The following DCTN6 variants were observed in gnomAD, a reference collection of about 807,000 sequenced individuals.
DCTN6 encodes the protein dynactin subunit 6.
A neutral mutation model predicts 25.8 loss-of-function variants in DCTN6; 15 were observed. The ratio of observed to expected loss-of-function variants is 0.58; its 90% CI spans 0.39 to 0.89. DCTN6 has a LOEUF of 0.89. Among genes scored for constraint, DCTN6 ranks in the 40% least tolerant of loss-of-function variants. The probability of loss-of-function intolerance (pLI) is 0.00; values close to 1 mark genes in which losing one functional copy is unlikely to be tolerated. For missense variants in DCTN6, 198 were observed against 237.6 expected, an observed-to-expected ratio of 0.83 and a Z score of 1.09; for synonymous variants, 64 against 78.3, an observed-to-expected ratio of 0.82 and a Z score of 0.96.
At chr8:30,179,368 A>T (rs1486212486) in intron 4 of DCTN6, 40 bp from the exon 5 acceptor site, 1 of 1,559,040 alleles carries the variant, frequency 6.4e-7, no homozygotes, top group Non-Finnish European at 8.8e-7. Context: ...GGGACTAAAG[A>T]TGAACATATT....
chr8:30,174,908 C>A (rs1364148835), intron 2 of DCTN6, among the ~76,000 whole-genome samples, 177 bp from the exon 3 acceptor site: 1 of 152,144 alleles, frequency 6.6e-6, no homozygotes, highest in African/African-American at 2.4e-5. Context: ...TGCAACTTGG[C>A]CCTGACTACT....
chr8:30,178,478 A>C (rs1051444951), intron 4 of DCTN6, among the ~76,000 whole-genome samples: 21 of 151,774 alleles, frequency 1.4e-4, no homozygotes, highest in Non-Finnish European at 2.7e-4. Flanking sequence ...ATTAAAAAAA[A>C]AAAAAAAAAA....
At chr8:30,177,769 C>T (rs1803861386) in intron 4 of DCTN6, among the ~76,000 whole-genome samples, 1 of 152,190 alleles carries the variant, frequency 6.6e-6, no homozygotes, top group African/African-American at 2.4e-5. Context: ...GCTCTTTGAA[C>T]AGACTTCTTG....
intron 5 of DCTN6, 89 bp from the exon 6 acceptor site, chr8:30,180,399 A>G: frequency 1.3e-6 from 2 of 1,509,712 alleles, no homozygotes; most frequent in Middle Eastern, 2.3e-4. Flanking sequence ...AGGCCAGTTT[A>G]CATTTTTATA....
chr8:30,172,435 T>C (rs1803775841), intron 2 of DCTN6, among the ~76,000 whole-genome samples: 1 of 146,264 alleles, frequency 6.8e-6, no homozygotes, highest in South Asian at 2.2e-4. Context: ...ATATAGTTTA[T>C]ATGGAGTGAT....
intron 6 of DCTN6, among the ~76,000 whole-genome samples, chr8:30,182,651 C>G (rs1325478777): frequency 6.7e-6 from 1 of 149,902 alleles, no homozygotes; most frequent in Non-Finnish European, 1.5e-5. Context: ...TGAAAAGCAC[C>G]TGTAATTCCA....
Position 30,179,393 on chromosome 8 carries a change from A to T in DCTN6, c.284-15A>T. The T allele has an allele frequency of 6.2e-7, 1 of 1,606,942 alleles. No homozygotes were observed. Among genetic ancestry groups the T allele is most frequent in the Non-Finnish European group, 8.5e-7 (1 of 1,174,758 alleles). ...ATGAACATATTTGTAGTATTTACCT[A>T]ACTCTGGCTTACAGATTCCCAAGCC... On this transcript the variant is annotated splice_polypyrimidine_tract_variant and intron_variant, in intron 4 of 6. Coordinates refer to ENST00000221114, the MANE Select transcript of DCTN6 (RefSeq NM_006571.4).
At chr8:30,156,664 A>AG (rs200411897) in intron 1 of DCTN6, among the ~76,000 whole-genome samples, 3,617 of 151,292 alleles carry the variant, frequency 0.024, 47 homozygotes, top group Non-Finnish European at 0.033. Context: ...GCCTGCGCAG[A>AG]GGGGGTCTCC....
chr8:30,182,547 T>C (rs1803923042), intron 6 of DCTN6, among the ~76,000 whole-genome samples: 1 of 151,848 alleles, frequency 6.6e-6, no homozygotes, highest in Admixed American at 6.6e-5. Context: ...TATATAAATA[T>C]ATAAAATCTG....
intron 2 of DCTN6, among the ~76,000 whole-genome samples, chr8:30,170,138 A>G: frequency 6.6e-6 from 1 of 150,860 alleles, no homozygotes; most frequent in Admixed American, 6.7e-5. Flanking sequence ...GTGCCACTGC[A>G]CTCCAGCCAG....
Position 30,169,600 on chromosome 8 carries a change from C to T in DCTN6, c.88+5425C>T, listed in dbSNP as rs541182769. On this transcript the variant is annotated intron_variant, in intron 2 of 6. Coordinates refer to ENST00000221114, the MANE Select transcript of DCTN6 (RefSeq NM_006571.4). ...AAGGAGCGCCAGGGTTCACAGCAGGCTTTCAATGTTTTCCGTGGTGACAGA... is the reference window on the plus strand; with the variant it reads ...AAGGAGCGCCAGGGTTCACAGCAGGTTTTCAATGTTTTCCGTGGTGACAGA... Among the ~76,000 whole-genome samples, 4 of 152,354 alleles carry T rather than the reference C, an allele frequency of 2.6e-5. No homozygotes were observed. In the South Asian group the frequency reaches 8.3e-4, roughly 32 times the overall value.
At chr8:30,179,576 C>G in intron 5 of DCTN6, 121 bp downstream of exon 5, 2 of 735,364 alleles carry the variant, frequency 2.7e-6, no homozygotes, top group Non-Finnish European at 4.3e-6. Context: ...GCTACAATAG[C>G]TGGCGAACTA....
chr8:30,157,218 G>T (rs187911785), intron 1 of DCTN6, among the ~76,000 whole-genome samples: 2 of 152,296 alleles, frequency 1.3e-5, no homozygotes, highest in Admixed American at 1.3e-4. Flanking sequence ...GAGTTATCGC[G>T]TAAGGTAATG....
chr8:30,179,607 C>G (rs1803887363), intron 5 of DCTN6, 152 bp downstream of exon 5: 3 of 583,242 alleles, frequency 5.1e-6, no homozygotes, highest in Non-Finnish European at 6.0e-6. Flanking sequence ...ACTAAGGAAC[C>G]TAATCTGGTT....
intron 2 of DCTN6, among the ~76,000 whole-genome samples, chr8:30,165,304 G>A (rs1400998009): frequency 3.3e-5 from 5 of 152,080 alleles, no homozygotes; most frequent in Non-Finnish European, 7.4e-5. Flanking sequence ...TGGTGCCCTT[G>A]TAGTTTTATT....
At chr8:30,181,671 C>T (rs938055928) in intron 6 of DCTN6, among the ~76,000 whole-genome samples, 6 of 151,928 alleles carry the variant, frequency 3.9e-5, no homozygotes, top group Admixed American at 1.3e-4. Context: ...ATCACTTGAG[C>T]CCAGGAAGGA....
At chr8:30,157,299 T>C (rs553278140) in intron 1 of DCTN6, among the ~76,000 whole-genome samples, 75 of 152,344 alleles carry the variant, frequency 4.9e-4, no homozygotes, top group East Asian at 2.9e-3. Flanking sequence ...TAGTATTCCA[T>C]CGTATAGATA....
intron 4 of DCTN6, among the ~76,000 whole-genome samples, chr8:30,178,411 T>C (rs1282001514): frequency 1.4e-5 from 2 of 146,392 alleles, no homozygotes; most frequent in African/African-American, 2.5e-5. Context: ...TGCGGTGAGC[T>C]GAGATCGCGC....
intron 6 of DCTN6, 116 bp from the exon 7 acceptor site, chr8:30,182,959 C>T: frequency 4.0e-6 from 3 of 744,780 alleles, no homozygotes; most frequent in Middle Eastern, 2.4e-4. Context: ...AATCATCCTC[C>T]TGTCTGGGCC....
Sources: allele counts gnomAD v4.1 joint callset (sites outside exome capture counted in the v4.1 genomes callset), GRCh38; gene constraint gnomAD v4.1.1; transcripts MANE v1.5; gene names NCBI Gene and HGNC (gene_info 2026-07-23, HGNC 2026-07-21).